The following PCGF3 variants were observed in gnomAD, a reference collection of about 807,000 sequenced individuals.
The protein encoded by PCGF3 is polycomb group RING finger protein 3.
In PCGF3, 7 loss-of-function variants were observed where a neutral mutation model predicts 33.1. That is an observed-to-expected ratio of 0.21 (90% confidence interval 0.12 to 0.40). The LOEUF (loss-of-function observed/expected upper bound fraction) is 0.40. Ranked by LOEUF, PCGF3 falls within the 10% of genes least tolerant of loss-of-function variation. PCGF3 has a pLI of 1.00. For synonymous variants in PCGF3, 153 were observed against 121.3 expected (o/e 1.26, Z -1.72); for missense variants, 211 against 313.3 (o/e 0.67, Z 2.46).
At chr4:752,174 T>C (rs1442782463) in intron 8 of PCGF3, among the ~76,000 whole-genome samples, 1 of 152,240 alleles carries the variant, frequency 6.6e-6, no homozygotes, top group Non-Finnish European at 1.5e-5. Context: ...GTTTGGAAAC[T>C]GGCGAAGCCG....
chr4:715,783 C>T (rs1320385348), intron 1 of PCGF3, among the ~76,000 whole-genome samples: 3 of 51,082 alleles, frequency 5.9e-5, no homozygotes, highest in African/African-American at 1.4e-4. Context: ...AACTGGGTGT[C>T]GGTGCTGGGA....
chr4:763,771 T>C (rs1217207282), intron 9 of PCGF3, among the ~76,000 whole-genome samples: 1 of 152,250 alleles, frequency 6.6e-6, no homozygotes, highest in African/African-American at 2.4e-5. Context: ...TGATAGCATC[T>C]TTCTTCATAA....
intron 9 of PCGF3, among the ~76,000 whole-genome samples, chr4:763,254 G>A (rs1230117109): frequency 6.6e-6 from 1 of 152,200 alleles, no homozygotes; most frequent in African/African-American, 2.4e-5. Flanking sequence ...GACAGAGCAG[G>A]CCGAGGAAGT....
intron 7 of PCGF3, among the ~76,000 whole-genome samples, chr4:744,156 G>A (rs754318400): frequency 1.1e-4 from 16 of 152,212 alleles, no homozygotes; most frequent in Non-Finnish European, 1.3e-4. Context: ...GTTAGGAAGC[G>A]AGTCTGGGAA....
At chr4:719,587 A>G (rs1197633425) in intron 1 of PCGF3, among the ~76,000 whole-genome samples, 1 of 152,240 alleles carries the variant, frequency 6.6e-6, no homozygotes, top group Non-Finnish European at 1.5e-5. Flanking sequence ...GGGTCCCGTC[A>G]GGGAACAGGA....
intron 3 of PCGF3, among the ~76,000 whole-genome samples, chr4:732,821 C>T (rs541826295): frequency 1.3e-5 from 2 of 152,346 alleles, no homozygotes; most frequent in African/African-American, 4.8e-5. Context: ...TGCACCTGGC[C>T]ACCCTGAGTC....
rs568563508 is a variant in PCGF3 at position 716,171 on chromosome 4, C to T, written c.-190+10201C>T. 1.5e-4 allele frequency among the ~76,000 whole-genome samples: 16 copies of T among 106,430 alleles called. 3 individuals carry two copies. The highest frequency in any genetic ancestry group is 9.9e-4 in the East Asian group (3 of 3,044). The allele number at this position is 106,430 out of a possible 152,430, so 69.8% of individuals were successfully genotyped here. ...GTAGACACTGAGTGTGAGAACTGGG[C>T]GTCGGTGCTGGAACCCTGTAGACAC... On this transcript the variant is annotated intron_variant, in intron 1 of 10. Coordinates refer to ENST00000362003, the Ensembl canonical transcript of PCGF3.
intron 1 of PCGF3, among the ~76,000 whole-genome samples, chr4:715,720 A>T (rs1289587043): frequency 1.1e-5 from 1 of 93,846 alleles, no homozygotes; most frequent in African/African-American, 3.8e-5. Flanking sequence ...GTAGACACTG[A>T]GTGTGAGAAC....
chr4:727,156 T>C (rs1387182075), intron 1 of PCGF3, among the ~76,000 whole-genome samples: 1 of 150,752 alleles, frequency 6.6e-6, no homozygotes, highest in East Asian at 2.0e-4. Flanking sequence ...TTGTTTCCAG[T>C]TTGGGGCTGT....
chr4:753,656 A>AG (rs1258327083), intron 8 of PCGF3, among the ~76,000 whole-genome samples: 1 of 149,414 alleles, frequency 6.7e-6, no homozygotes, highest in East Asian at 2.0e-4. Flanking sequence ...AAAAAAAAAA[A>AG]AGAAGACTGG....
chr4:758,195 C>T (rs1183970576), intron 8 of PCGF3, among the ~76,000 whole-genome samples: 4 of 141,544 alleles, frequency 2.8e-5, no homozygotes, highest in Non-Finnish European at 4.5e-5. Flanking sequence ...AAAAAAAAGT[C>T]CAAAGTCACT....
chr4:752,385 C>T (rs569182147), intron 8 of PCGF3, among the ~76,000 whole-genome samples: 214 of 152,322 alleles, frequency 1.4e-3, no homozygotes, highest in African/African-American at 5.1e-3. Flanking sequence ...TAAGTATAAG[C>T]CATCGGTCTG....
rs111255628 is a variant in PCGF3 at position 720,711 on chromosome 4, C to T, written c.-189-9919C>T. Among the ~76,000 whole-genome samples the T allele has an allele frequency of 1.5e-5, 2 of 135,026 alleles. No homozygotes were observed. Among genetic ancestry groups the T allele is most frequent in the Admixed American group, 1.4e-4 (2 of 14,040 alleles). The allele number at this position is 135,026 out of a possible 152,430, so 88.6% of individuals were successfully genotyped here. Reference sequence around the variant, plus strand: ...GGCGGTGACGTGCGTGTGGACCCGGCGTGGACGGGCGGTGACGTGCGTGTG... The same window carrying T: ...GGCGGTGACGTGCGTGTGGACCCGGTGTGGACGGGCGGTGACGTGCGTGTG... On this transcript the variant is annotated intron_variant, in intron 1 of 10. Transcript: ENST00000362003. The surrounding 1 kb of genome is among the most constrained non-coding windows in gnomAD (Gnocchi z 5.6).
At chr4:734,570 G>A in intron 4 of PCGF3, 2 of 1,163,792 alleles carry the variant, frequency 1.7e-6, no homozygotes, top group Non-Finnish European at 2.1e-6. Flanking sequence ...GTTGTACGTA[G>A]AAGATACTGT....
intron 6 of PCGF3, among the ~76,000 whole-genome samples, chr4:740,540 A>C (rs1744041762): frequency 1.3e-5 from 2 of 152,022 alleles, no homozygotes; most frequent in South Asian, 4.2e-4. Context: ...TGTGGGGCTC[A>C]CGCACTCACC....
chr4:768,715 T>C (rs1301543093), exon 11 of PCGF3: 2 of 152,660 alleles, frequency 1.3e-5, no homozygotes, highest in Non-Finnish European at 2.9e-5. Context: ...AAATTATTTA[T>C]TCTATTTTAA....
chr4:751,448 G>A (rs182604387), intron 8 of PCGF3, among the ~76,000 whole-genome samples: 30 of 152,204 alleles, frequency 2.0e-4, no homozygotes, highest in East Asian at 1.2e-3. Flanking sequence ...GCTTCGCCAC[G>A]TCCGCACGTC....
intron 9 of PCGF3, among the ~76,000 whole-genome samples, chr4:764,287 A>G (rs1012666960): frequency 3.3e-5 from 5 of 152,152 alleles, no homozygotes; most frequent in Non-Finnish European, 5.9e-5. Flanking sequence ...ATTGTTCTTT[A>G]AAAAGTCTAA....
rs572636418 is a variant in PCGF3, at chr4:719,883, G to A, written c.-189-10747G>A. Among the ~76,000 whole-genome samples, 6 of 152,312 alleles carry A rather than the reference G, an allele frequency of 3.9e-5. No homozygotes were observed. The South Asian group carries it at 6.2e-4, about 16-fold the overall frequency. On this transcript the variant is annotated intron_variant, in intron 1 of 10. Coordinates refer to ENST00000362003, the Ensembl canonical transcript of PCGF3. Reference sequence around the variant, plus strand: ...CAGCTCCTCCCTTGGCAGTCGGAGCGTCGGGGCCGCATTATAGAGGGAGGG... The same window carrying A: ...CAGCTCCTCCCTTGGCAGTCGGAGCATCGGGGCCGCATTATAGAGGGAGGG...
Sources: allele counts gnomAD v4.1 joint callset (sites outside exome capture counted in the v4.1 genomes callset), GRCh38; gene constraint gnomAD v4.1.1; non-coding constraint Gnocchi (gnomAD v3.1); transcripts MANE v1.5; gene names NCBI Gene and HGNC (gene_info 2026-07-23, HGNC 2026-07-21).